The following BSN variants were observed in gnomAD, a reference collection of about 807,000 sequenced individuals.
BSN encodes protein bassoon.
A neutral mutation model predicts 264.8 loss-of-function variants in BSN; 57 were observed. The observed-to-expected ratio is 0.22, with a 90% CI of 0.17 to 0.27. BSN has a LOEUF of 0.27. Among genes scored for constraint, BSN ranks in the 10% least tolerant of loss-of-function variants. The pLI, the probability that BSN is intolerant of heterozygous loss-of-function variation, is 1.00. For missense variants in BSN, 4,615 were observed against 5,232.5 expected, an observed-to-expected ratio of 0.88 and a Z score of 3.64; for synonymous variants, 2,059 against 2,137.3, an observed-to-expected ratio of 0.96 and a Z score of 1.01.
At chr3:49,626,413 T>C (rs533510054) in intron 2 of BSN, among the ~76,000 whole-genome samples, 2 of 152,086 alleles carry the variant, frequency 1.3e-5, no homozygotes, top group East Asian at 3.9e-4. Context: ...TGAGGTGCTG[T>C]GGGTGTGGGA....
At chr3:49,622,185 CT>C (rs1466634051) in intron 1 of BSN, among the ~76,000 whole-genome samples, 3 of 151,946 alleles carry the variant, frequency 2.0e-5, no homozygotes, top group Non-Finnish European at 2.9e-5. Flanking sequence ...GTGGGTCCCA[CT>C]TTTTTTGTGA....
chr3:49,656,073 C>G lies in BSN; in HGVS notation c.6517C>G (p.Gln2173Glu). 1 of 1,610,460 alleles carries G rather than the reference C, an allele frequency of 6.2e-7. No individual in the cohort carries two copies. The highest frequency in any genetic ancestry group is 8.5e-7 in the Non-Finnish European group (1 of 1,179,022). Residue 2173 changes from glutamine to glutamate, a missense_variant, in exon 5 of 12, where the codon CAA becomes GAA. Transcript: ENST00000296452. ...NLAQYGPAAG[Q>E]GTAVRQLLPS... ...GGCCCAGTATGGGCCTGCAGCAGGC[C>G]AAGGAACAGCAGTCAGACAGCTGCT...
chr3:49,661,393 C>T lies in BSN; in HGVS notation c.9548C>T (p.Pro3183Leu), dbSNP rs1559618919. 2.5e-6 allele frequency: 4 copies of T among 1,613,972 alleles called. No homozygotes were observed. In the Middle Eastern group the frequency reaches 4.9e-4, roughly 200 times the overall value. Residue 3183 changes from proline to leucine, a missense_variant, in exon 6 of 12, where the codon CCA becomes CTA. Pro to Leu is a moderately conservative substitution (Grantham distance 98, BLOSUM62 -3). Around this residue, in one of 3 missense-constraint regions of BSN, gnomAD observed 3,415 missense variants for 3,866.4 expected, o/e 0.88. Transcript: ENST00000296452. The stretch of plus-strand genomic sequence containing the variant: ...CCATCTGAAACCAGCTACAGTGGCC[C>T]AGCAGTGAGCAGCGGCTATGAGCAG... ...SAPSETSYSG[P>L]AVSSGYEQGK... is the part of the protein sequence containing the mutation.
chr3:49,661,662 G>A lies in BSN; in HGVS notation c.9817G>A (p.Gly3273Ser). The change falls in exon 6 of 12, where the codon GGT becomes AGT. Residue 3273 changes from glycine to serine, a missense_variant. Gly to Ser is a moderately conservative substitution (Grantham distance 56). Coordinates refer to ENST00000296452, the MANE Select transcript of BSN (RefSeq NM_003458.4). The stretch of plus-strand genomic sequence containing the variant: ...TCCAGGGAAGGAGCCTGGAGAACCA[G>A]GTGTCCTTGACGGGCCCACACTGCC... ...GRPGKEPGEP[G>S]VLDGPTLPCC... is the part of the protein sequence containing the mutation. 1 of 1,613,712 alleles carries A rather than the reference G, an allele frequency of 6.2e-7. No homozygotes were observed. Among genetic ancestry groups the A allele is most frequent in the South Asian group, 1.1e-5 (1 of 91,090 alleles).
intron 1 of BSN, among the ~76,000 whole-genome samples, chr3:49,583,599 G>GA (rs2108017582): frequency 6.6e-6 from 1 of 152,250 alleles, no homozygotes; most frequent in South Asian, 2.1e-4. Context: ...GACAGAGCAA[G>GA]ACCCTGTCTG....
chr3:49,645,919 G>A (rs564818000), intron 3 of BSN, among the ~76,000 whole-genome samples: 1 of 152,328 alleles, frequency 6.6e-6, no homozygotes, highest in East Asian at 1.9e-4. Context: ...AAGAACGACT[G>A]TGCTGTGTCT....
intron 2 of BSN, chr3:49,640,410 A>G (rs1279207665): frequency 6.6e-6 from 1 of 152,240 alleles, no homozygotes; most frequent in Non-Finnish European, 1.5e-5. Context: ...ACAACAAATC[A>G]GTAGACACTT....
At position 49,662,236 on chromosome 3, in the gene BSN, A is replaced by G. The variant is rs2052665097; in HGVS notation, c.10391A>G (p.Lys3464Arg). The G allele has an allele frequency of 4.3e-6, 7 of 1,613,896 alleles. No homozygotes were observed. The highest frequency in any genetic ancestry group is 5.9e-6 in the Non-Finnish European group (7 of 1,179,932). The change falls in exon 6 of 12, where the codon AAG becomes AGG. Residue 3464 changes from lysine (K) to arginine (R), a missense_variant. By Grantham distance (26) the Lys-to-Arg change is conservative (BLOSUM62 2). This residue lies in a region of BSN where 3,415 missense variants were observed against 3,866.4 expected (regional missense o/e 0.88). Coordinates refer to ENST00000296452, the MANE Select transcript of BSN (RefSeq NM_003458.4). ...LSSHDFSGWG[K>R]GYEREREAVE... ...AGCCACGACTTCAGTGGCTGGGGCA[A>G]GGGGTACGAAAGGGAACGGGAGGCT...
chr3:49,656,952 C>A lies in BSN; in HGVS notation c.7396C>A (p.Leu2466Ile), dbSNP rs370178010. ...QQLQQQLQQQ[L>I]EEQKQRQKAP... ...GCTGCAGCAGCAGCTGCAGCAGCAG[C>A]TAGAGGAGCAGAAGCAGCGGCAGAA... The change falls in exon 5 of 12, where the codon CTA becomes ATA. Residue 2466 changes from leucine to isoleucine, a missense_variant. Physicochemically the swap from Leu to Ile is conservative, Grantham distance 5. This residue lies in a region of BSN where 3,415 missense variants were observed against 3,866.4 expected (regional missense o/e 0.88). Coordinates refer to ENST00000296452, the MANE Select transcript of BSN (RefSeq NM_003458.4). 519 of 1,605,048 alleles carry A rather than the reference C, an allele frequency of 3.2e-4. No individual in the cohort carries two copies. The highest frequency in any genetic ancestry group is 4.3e-4 in the Non-Finnish European group (503 of 1,175,174).
chr3:49,600,447 C>T (rs911737100), intron 1 of BSN, among the ~76,000 whole-genome samples: 2 of 152,130 alleles, frequency 1.3e-5, no homozygotes, highest in Admixed American at 1.3e-4. Context: ...CTTGGAATGT[C>T]AGGCTAAAGC....
In BSN at chr3:49,654,710, C is replaced by T. The variant is rs762588781; in HGVS notation, c.5154C>T (p.Leu1718=). 3.1e-6 allele frequency: 5 copies of T among 1,613,738 alleles called. No homozygotes were observed. The highest frequency in any genetic ancestry group is 4.2e-6 in the Non-Finnish European group (5 of 1,180,030). ...CCGTGCAGCCCTTGGTTATCAACCTCAATGCCCAGGAGCATACCTTCCTTG... is the reference window on the plus strand; with the variant it reads ...CCGTGCAGCCCTTGGTTATCAACCTTAATGCCCAGGAGCATACCTTCCTTG... ...STAVQPLVIN[L]NAQEHTFLAT... Residue 1718 remains leucine, a synonymous_variant, in exon 5 of 12, where the codon CTC becomes CTT. Transcript: ENST00000296452. The surrounding 1 kb of genome is among the most constrained non-coding windows in gnomAD (Gnocchi z 4.1).
At position 49,651,577 on chromosome 3, in the gene BSN, C is replaced by T; in HGVS notation, c.2021C>T (p.Ser674Phe). The change falls in exon 5 of 12, where the codon TCT (serine) becomes TTT (phenylalanine). Residue 674 changes from serine to phenylalanine, a missense_variant. Ser to Phe is a radical substitution (Grantham distance 155). Around this residue, in one of 3 missense-constraint regions of BSN, gnomAD observed 1,197 missense variants for 1,348.0 expected, o/e 0.89. Coordinates refer to ENST00000296452, the MANE Select transcript of BSN (RefSeq NM_003458.4). The surrounding 1 kb of genome is among the most constrained non-coding windows in gnomAD (Gnocchi z 5.4). ...GGCAAGCCTTACTCTCAGGATGCGT[C>T]TCGGAGCCCACAGAGCCTCAGTGAC... ...LVGKPYSQDASRSPQSLSDTG... is the reference protein window; with the variant it reads ...LVGKPYSQDAFRSPQSLSDTG... 6.2e-7 allele frequency: 1 copy of T among 1,602,686 alleles called. No individual in the cohort carries two copies. The highest frequency in any genetic ancestry group is 8.5e-7 in the Non-Finnish European group (1 of 1,173,344).
rs201569483 is a variant in BSN, at chr3:49,642,717, G to A, written c.1083G>A (p.Ala361=). ...TTGGCGCGTCACTGCTAACCCAGGCGAGCACCCTCATGTCTGTGCAGCCCG... is the reference window on the plus strand; with the variant it reads ...TTGGCGCGTCACTGCTAACCCAGGCAAGCACCCTCATGTCTGTGCAGCCCG... ...FGLGASLLTQ[A]STLMSVQPEA... Residue 361 remains alanine (A), a synonymous_variant, in exon 3 of 12, where the codon GCG becomes GCA. Coordinates refer to ENST00000296452, the MANE Select transcript of BSN (RefSeq NM_003458.4). This position sits in a 1 kb window ranked among gnomAD's most constrained non-coding sequence, Gnocchi z 7.0. The A allele has an allele frequency of 7.9e-5, 127 of 1,613,370 alleles. 1 individual carries two copies. The Middle Eastern group carries it at 0.011, about 134-fold the overall frequency.
Position 49,669,251 on chromosome 3 carries a change from G to T in BSN, c.*1766G>T, listed in dbSNP as rs536052905. On this transcript the variant is annotated 3_prime_UTR_variant, in exon 12 of 12. Transcript: ENST00000296452. Reference sequence around the variant, plus strand: ...AATTGTTGCCTGAGCGTGCCAGGCTGCAGGGCAGGCAGTAAAAGGCCCCCA... The same window carrying T: ...AATTGTTGCCTGAGCGTGCCAGGCTTCAGGGCAGGCAGTAAAAGGCCCCCA... 4.6e-5 allele frequency: 7 copies of T among 152,664 alleles called. No individual in the cohort carries two copies. Among genetic ancestry groups the T allele is most frequent in the Non-Finnish European group, 8.8e-5 (6 of 68,066 alleles). 9.5% of individuals were successfully genotyped at this position (152,664 alleles called of 1,614,324 possible). A position where few individuals can be genotyped will look rare whatever the true frequency, so the allele number is the denominator to read the frequency against.
At chr3:49,623,078 A>G (rs1342425735) in intron 1 of BSN, among the ~76,000 whole-genome samples, 1 of 152,200 alleles carries the variant, frequency 6.6e-6, no homozygotes, top group African/African-American at 2.4e-5. Flanking sequence ...ATTGCAGAGT[A>G]TCTTGGGGTG....
chr3:49,574,376 CAT>C (rs2051824288), intron 1 of BSN, among the ~76,000 whole-genome samples: 1 of 152,112 alleles, frequency 6.6e-6, no homozygotes, highest in African/African-American at 2.4e-5. Flanking sequence ...GACCAGGGAT[CAT>C]ACTCTGGCAG....
intron 1 of BSN, among the ~76,000 whole-genome samples, chr3:49,617,725 AC>A (rs2052272670): frequency 6.6e-6 from 1 of 152,098 alleles, no homozygotes; most frequent in South Asian, 2.1e-4. Context: ...GAGGCCTTGG[AC>A]GGGTGTAGTC....
chr3:49,593,662 T>G (rs980521482), intron 1 of BSN, among the ~76,000 whole-genome samples: 1 of 152,158 alleles, frequency 6.6e-6, no homozygotes, highest in Non-Finnish European at 1.5e-5. Flanking sequence ...CATCTTTTCA[T>G]ACACTTTTTG....
chr3:49,672,263 A>T (rs2052789137), downstream of BSN, among the ~76,000 whole-genome samples: 1 of 151,998 alleles, frequency 6.6e-6, no homozygotes, highest in South Asian at 2.1e-4. Flanking sequence ...CTCCAGAGAG[A>T]TACACCATTA....
Sources: allele counts gnomAD v4.1 joint callset (sites outside exome capture counted in the v4.1 genomes callset), GRCh38; gene constraint gnomAD v4.1.1; regional missense constraint gnomAD v4.1.1; non-coding constraint Gnocchi (gnomAD v3.1); transcripts MANE v1.5; gene names NCBI Gene and HGNC (gene_info 2026-07-23, HGNC 2026-07-21).